The following PPP2R2B variants were observed in gnomAD, a reference collection of about 807,000 sequenced individuals.
The protein encoded by PPP2R2B is protein phosphatase 2 regulatory subunit Bbeta.
A neutral mutation model predicts 46.0 loss-of-function variants in PPP2R2B; 5 were observed. That is an observed-to-expected ratio of 0.11 (90% CI 0.06 to 0.23). The LOEUF (loss-of-function observed/expected upper bound fraction) is 0.23, where lower values mean the gene tolerates loss of function less well. Ranked by LOEUF, PPP2R2B falls within the 10% of genes least tolerant of loss-of-function variation. PPP2R2B has a pLI of 1.00. For synonymous variants in PPP2R2B, 215 were observed against 206.7 expected (o/e 1.04, Z -0.34); for missense variants, 367 against 575.0 (o/e 0.64, Z 3.70).
At chr5:146,814,246 G>C (rs1206042346) in intron 2 of PPP2R2B, among the ~76,000 whole-genome samples, 1 of 149,546 alleles carries the variant, frequency 6.7e-6, no homozygotes, top group East Asian at 1.9e-4. Context: ...TCTTTTTTGG[G>C]GAGACAATGT....
chr5:146,905,046 G>T (rs541750117), intron 1 of PPP2R2B, among the ~76,000 whole-genome samples: 1 of 152,238 alleles, frequency 6.6e-6, no homozygotes, highest in South Asian at 2.1e-4. Context: ...ATAAGCACCT[G>T]AAAATATGCT....
chr5:146,599,468 T>A (rs1197508513), intron 8 of PPP2R2B, among the ~76,000 whole-genome samples: 2 of 152,180 alleles, frequency 1.3e-5, no homozygotes, highest in East Asian at 3.9e-4. Context: ...GTGTAAAACT[T>A]TAATGGTCCT....
chr5:146,899,170 C>G (rs1762741693), intron 1 of PPP2R2B, among the ~76,000 whole-genome samples: 1 of 147,194 alleles, frequency 6.8e-6, no homozygotes, highest in South Asian at 2.2e-4. Context: ...AAGACACATG[C>G]ACACGTATGT....
At chr5:146,788,873 C>T (rs1239654361) in intron 2 of PPP2R2B, among the ~76,000 whole-genome samples, 3 of 152,214 alleles carry the variant, frequency 2.0e-5, no homozygotes, top group Admixed American at 2.0e-4. Context: ...ATTCATTCAT[C>T]CCTCTCAGTT....
chr5:147,031,018 C>T (rs939305259), intron 1 of PPP2R2B, among the ~76,000 whole-genome samples: 2 of 152,218 alleles, frequency 1.3e-5, no homozygotes, highest in Admixed American at 6.5e-5. Context: ...GGGCGGATCA[C>T]GAGGTCAGGA....
At chr5:146,899,563 A>G (rs986202268) in intron 1 of PPP2R2B, among the ~76,000 whole-genome samples, 1 of 152,102 alleles carries the variant, frequency 6.6e-6, no homozygotes, top group East Asian at 1.9e-4. Context: ...AGCATGGAAC[A>G]TGTATACATA....
intron 2 of PPP2R2B, among the ~76,000 whole-genome samples, chr5:146,781,430 C>G (rs954365448): frequency 1.3e-5 from 2 of 151,258 alleles, no homozygotes; most frequent in Non-Finnish European, 2.9e-5. Context: ...TGCCAACTAC[C>G]CAAATTTGTG....
chr5:146,805,742 C>G (rs746607672), intron 2 of PPP2R2B, among the ~76,000 whole-genome samples: 3 of 152,174 alleles, frequency 2.0e-5, no homozygotes, highest in South Asian at 2.1e-4. Context: ...ACCAGGCATC[C>G]CAACAAGTTG....
chr5:146,698,762 T>C (rs1237698768), intron 3 of PPP2R2B, among the ~76,000 whole-genome samples: 3 of 151,650 alleles, frequency 2.0e-5, no homozygotes, highest in Non-Finnish European at 2.9e-5. Context: ...TTTTTTTTTT[T>C]CTTTCCAACA....
At chr5:146,784,374 A>G (rs1477301927) in intron 2 of PPP2R2B, among the ~76,000 whole-genome samples, 1 of 152,242 alleles carries the variant, frequency 6.6e-6, no homozygotes, top group Non-Finnish European at 1.5e-5. Context: ...GGATGTTTCC[A>G]TATTACCTAC....
At chr5:147,048,894 A>G (rs1442113242) in intron 1 of PPP2R2B, among the ~76,000 whole-genome samples, 1 of 152,206 alleles carries the variant, frequency 6.6e-6, no homozygotes, top group Non-Finnish European at 1.5e-5. Flanking sequence ...GGAGATATAG[A>G]AATGTATAAA....
chr5:146,630,423 G>C (rs1774348716), intron 7 of PPP2R2B, among the ~76,000 whole-genome samples: 1 of 152,178 alleles, frequency 6.6e-6, no homozygotes, highest in Non-Finnish European at 1.5e-5. Flanking sequence ...GAAACCAGCA[G>C]GTGTTTAATC....
At chr5:146,792,854 C>T (rs565318979) in intron 2 of PPP2R2B, among the ~76,000 whole-genome samples, 11 of 152,152 alleles carry the variant, frequency 7.2e-5, no homozygotes, top group Non-Finnish European at 1.5e-4. Context: ...GATGTAGGGT[C>T]TTGCAGGCCA....
At chr5:146,657,013 T>A (rs11958150) in intron 5 of PPP2R2B, among the ~76,000 whole-genome samples, 27,062 of 152,192 alleles carry the variant, frequency 0.18, 2,883 homozygotes, top group East Asian at 0.37. Flanking sequence ...TGCTGTCATT[T>A]GGCTTATTTG....
intron 1 of PPP2R2B, among the ~76,000 whole-genome samples, chr5:147,010,948 T>A (rs899019657): frequency 6.6e-6 from 1 of 152,144 alleles, no homozygotes; most frequent in African/African-American, 2.4e-5. Flanking sequence ...GCCGGGGTTA[T>A]CCTTCAGAAA....
chr5:146,924,279 C>T (rs754729693), intron 1 of PPP2R2B, among the ~76,000 whole-genome samples: 3 of 152,214 alleles, frequency 2.0e-5, no homozygotes, highest in Non-Finnish European at 4.4e-5. Flanking sequence ...TCTGACACCC[C>T]TGTGCTGTCT....
chr5:146,787,314 G>T (rs1477199611), intron 2 of PPP2R2B, among the ~76,000 whole-genome samples: 1 of 152,178 alleles, frequency 6.6e-6, no homozygotes, highest in Non-Finnish European at 1.5e-5. Context: ...AAGGTTGTAT[G>T]TACACACTGT....
rs1252308537 is a variant in PPP2R2B at position 146,974,736 on chromosome 5, C to T, written c.79+80929G>A. Among the ~76,000 whole-genome samples the T allele has an allele frequency of 5.4e-5, 8 of 148,522 alleles. No individual in the cohort carries two copies. The South Asian group carries it at 6.3e-4, about 12-fold the overall frequency. ...ATGGAGTCTGGCTGTGTCACCCAGG[C>T]TGGAGTGCAGTGTAGCAATCTCAGC... On this transcript the variant is annotated intron_variant, in intron 1 of 8. Transcript: ENST00000336640.
At chr5:146,824,930 C>T (rs1340652115) in intron 2 of PPP2R2B, among the ~76,000 whole-genome samples, 1 of 152,046 alleles carries the variant, frequency 6.6e-6, no homozygotes, top group Non-Finnish European at 1.5e-5. Flanking sequence ...ACCATGTTGG[C>T]CAGGCTTGTC....
Sources: allele counts gnomAD v4.1 joint callset (sites outside exome capture counted in the v4.1 genomes callset), GRCh38; gene constraint gnomAD v4.1.1; transcripts MANE v1.5; gene names NCBI Gene and HGNC (gene_info 2026-07-23, HGNC 2026-07-21).